RAB27B: variants seen among roughly 807,000 people sequenced by gnomAD.
RAB27B encodes the protein ras-related protein Rab-27B.
Under a neutral mutation model 24.6 loss-of-function variants are expected in RAB27B, and 15 were observed. The observed-to-expected ratio is 0.61, with a 90% CI of 0.41 to 0.94. The LOEUF is 0.94. Among genes scored for constraint, RAB27B ranks in the 40% least tolerant of loss-of-function variants. The pLI, the probability that RAB27B is intolerant of heterozygous loss-of-function variation, is 0.00. For synonymous variants in RAB27B, 105 were observed against 92.5 expected (o/e 1.14, Z -0.78); for missense variants, 261 against 266.8 (o/e 0.98, Z 0.15).
chr18:54,864,060 CTA>C (rs1003384069), intron 1 of RAB27B, among the ~76,000 whole-genome samples: 24 of 152,182 alleles, frequency 1.6e-4, no homozygotes, highest in Admixed American at 1.0e-3. Flanking sequence ...TGCATTAAAT[CTA>C]TGTTTAAAGT....
chr18:54,884,773 C>T (rs1257750133), intron 4 of RAB27B, among the ~76,000 whole-genome samples: 1 of 152,128 alleles, frequency 6.6e-6, no homozygotes, highest in Non-Finnish European at 1.5e-5. Context: ...CTTCTTAAAA[C>T]TAAGTGAGCT....
intron 2 of RAB27B, among the ~76,000 whole-genome samples, chr18:54,729,806 A>C (rs1231231496): frequency 6.6e-6 from 1 of 152,224 alleles, no homozygotes; most frequent in Non-Finnish European, 1.5e-5. Flanking sequence ...GATTTAAAAA[A>C]ATAATCCACT....
intron 2 of RAB27B, among the ~76,000 whole-genome samples, chr18:54,750,943 C>T (rs1400214416): frequency 1.3e-5 from 2 of 152,094 alleles, no homozygotes; most frequent in African/African-American, 4.8e-5. Context: ...GAGCAACAAA[C>T]AAAATGTTAC....
intron 2 of RAB27B, among the ~76,000 whole-genome samples, chr18:54,820,297 T>G (rs1017700158): frequency 2.6e-5 from 4 of 152,214 alleles, no homozygotes; most frequent in African/African-American, 9.6e-5. Context: ...TCCTGAGTTT[T>G]TAATGATTGC....
chr18:54,803,490 GA>G (rs1339086914), intron 2 of RAB27B, among the ~76,000 whole-genome samples: 8 of 152,186 alleles, frequency 5.3e-5, no homozygotes, highest in African/African-American at 1.9e-4. Flanking sequence ...GTAGACAGTA[GA>G]GGTTTCAGGC....
Position 54,892,349 on chromosome 18 carries a change from G to C in RAB27B, c.*2936G>C, listed in dbSNP as rs1246696424. The C allele has an allele frequency of 6.6e-6, 1 of 151,914 alleles. No individual in the cohort carries two copies. Among genetic ancestry groups the C allele is most frequent in the Non-Finnish European group, 1.5e-5 (1 of 67,950 alleles). 9.4% of individuals were successfully genotyped at this position (151,914 alleles called of 1,614,324 possible). A position where few individuals can be genotyped will look rare whatever the true frequency, so the allele number is the denominator to read the frequency against. On this transcript the variant is annotated 3_prime_UTR_variant, in exon 6 of 6. Transcript: ENST00000262094. ...TCATTTCCTATAATGTTATATCATAGGAAGCCCTCACAGAGACACTAACAC... is the reference window on the plus strand; with the variant it reads ...TCATTTCCTATAATGTTATATCATACGAAGCCCTCACAGAGACACTAACAC...
upstream of RAB27B, among the ~76,000 whole-genome samples, chr18:54,826,298 T>C (rs1910470807): frequency 6.6e-6 from 1 of 152,228 alleles, no homozygotes; most frequent in Non-Finnish European, 1.5e-5. Flanking sequence ...ATTATTATCA[T>C]GACACACAAT....
At chr18:54,765,481 G>A (rs1908332934) in intron 2 of RAB27B, among the ~76,000 whole-genome samples, 1 of 152,154 alleles carries the variant, frequency 6.6e-6, no homozygotes, top group African/African-American at 2.4e-5. Context: ...TCAACCTTGT[G>A]CCAGGCACTT....
chr18:54,768,575 T>C (rs949656407), intron 2 of RAB27B, among the ~76,000 whole-genome samples: 1 of 152,116 alleles, frequency 6.6e-6, no homozygotes, highest in African/African-American at 2.4e-5. Context: ...GCAATCTAAC[T>C]CTCATGTTTT....
Position 54,877,727 on chromosome 18 carries a change from GA to G in RAB27B, c.147del (p.Lys49AsnfsTer49). On this transcript the variant is annotated frameshift_variant, in exon 2 of 6. Coordinates refer to ENST00000262094, the MANE Select transcript of RAB27B (RefSeq NM_004163.4). LOFTEE classifies it high-confidence loss of function. ...FITTVGIDFR[E>X]KRVVYNAQGP... The stretch of plus-strand genomic sequence containing the variant: ...CACTACAGTAGGAATAGACTTTCGG[GA>G]AAAACGTGTGGTGAGTTTTTAATCG... 5 of 1,580,026 alleles carry G rather than the reference GA, an allele frequency of 3.2e-6. No homozygotes were observed. Among genetic ancestry groups the G allele is most frequent in the Admixed American group, 3.9e-5 (2 of 51,086 alleles).
intron 2 of RAB27B, among the ~76,000 whole-genome samples, chr18:54,800,200 TTAA>T (rs1268492940): frequency 6.6e-6 from 1 of 152,252 alleles, no homozygotes; most frequent in Non-Finnish European, 1.5e-5. Flanking sequence ...TGTGTGGTTG[TTAA>T]TAAATTATAT....
intron 2 of RAB27B, among the ~76,000 whole-genome samples, chr18:54,740,649 C>T (rs1910043092): frequency 6.6e-6 from 1 of 152,146 alleles, no homozygotes; most frequent in African/African-American, 2.4e-5. Flanking sequence ...ACAGTGAGAG[C>T]TTTCTAATTA....
At chr18:54,737,925 C>A (rs1457809039) in intron 2 of RAB27B, among the ~76,000 whole-genome samples, 2 of 152,114 alleles carry the variant, frequency 1.3e-5, no homozygotes, top group African/African-American at 2.4e-5. Flanking sequence ...AGACATACTT[C>A]TTGCCTTCTA....
At position 54,739,751 on chromosome 18, in the gene RAB27B, T is replaced by C. The variant is rs558179591; in HGVS notation, c.-20+21610T>C. Among the ~76,000 whole-genome samples, 7 of 152,322 alleles carry C rather than the reference T, an allele frequency of 4.6e-5. No individual in the cohort carries two copies. In the East Asian group the frequency reaches 1.2e-3, roughly 25 times the overall value. ...TGCATTTTACTTTCTCCAGTACAAA[T>C]AGTTTCTCCACATTCCCATCAGCAT... On this transcript the variant is annotated intron_variant, in intron 2 of 4. Transcript: ENST00000586570.
intron 1 of RAB27B, among the ~76,000 whole-genome samples, chr18:54,839,796 T>C (rs1298474479): frequency 6.6e-6 from 1 of 152,204 alleles, no homozygotes; most frequent in Non-Finnish European, 1.5e-5. Flanking sequence ...AAAATTACCC[T>C]GTACACATGG....
intron 2 of RAB27B, among the ~76,000 whole-genome samples, chr18:54,731,707 C>A (rs80128250): frequency 1.3e-5 from 2 of 152,182 alleles, no homozygotes; most frequent in African/African-American, 4.8e-5. Flanking sequence ...GAAAGTTATT[C>A]TTTTTTAAGT....
chr18:54,893,556 A>G lies in RAB27B; in HGVS notation c.*4143A>G, dbSNP rs1913453025. ...TTCTTCTGGATCTTTGACCAAGGTG[A>G]TGTCAGCTTATTTCTGGGGAAGGTG... is the stretch of plus-strand genomic sequence containing the variant. On this transcript the variant is annotated 3_prime_UTR_variant, in exon 6 of 6. Transcript: ENST00000262094. 1 of 152,046 alleles carries G rather than the reference A, an allele frequency of 6.6e-6. No individual in the cohort carries two copies. The highest frequency in any genetic ancestry group is 1.5e-5 in the Non-Finnish European group (1 of 67,964). 9.4% of individuals were successfully genotyped at this position (152,046 alleles called of 1,614,324 possible).
chr18:54,750,920 G>A (rs1907811160), intron 2 of RAB27B, among the ~76,000 whole-genome samples: 2 of 152,178 alleles, frequency 1.3e-5, no homozygotes, highest in South Asian at 4.1e-4. Context: ...AGGTTGCAAA[G>A]CATGTCGGAG....
chr18:54,883,856 A>C (rs1485927527), intron 3 of RAB27B, among the ~76,000 whole-genome samples: 1 of 152,132 alleles, frequency 6.6e-6, no homozygotes, highest in Non-Finnish European at 1.5e-5. Flanking sequence ...TTCCTTACAA[A>C]AGAATTCCAA....
Sources: allele counts gnomAD v4.1 joint callset (sites outside exome capture counted in the v4.1 genomes callset), GRCh38; gene constraint gnomAD v4.1.1; transcripts MANE v1.5; gene names NCBI Gene and HGNC (gene_info 2026-07-23, HGNC 2026-07-21).